ULK4: variants seen among roughly 807,000 people sequenced by gnomAD.
ULK4 encodes inactive serine/threonine-protein kinase ULK4.
In ULK4, 133 loss-of-function variants were observed where a neutral mutation model predicts 160.6. The observed-to-expected ratio is 0.83, with a 90% confidence interval of 0.72 to 0.96. The LOEUF is 0.96. Among genes scored for constraint, ULK4 ranks in the 40% least tolerant of loss-of-function variants. The probability of loss-of-function intolerance (pLI) is 0.00; values close to 1 mark genes in which losing one functional copy is unlikely to be tolerated. For synonymous variants in ULK4, 534 were observed against 539.8 expected (o/e 0.99, Z 0.15); for missense variants, 1,580 against 1,499.5 (o/e 1.05, Z -0.89).
intron 22 of ULK4, among the ~76,000 whole-genome samples, chr3:41,746,298 C>CAAAAAAAG (rs2038421232): frequency 1.0e-5 from 1 of 95,310 alleles, no homozygotes; most frequent in African/African-American, 7.6e-5. Flanking sequence ...AAAAAAAAAC[C>CAAAAAAAG]ACCTACAACT....
intron 17 of ULK4, among the ~76,000 whole-genome samples, chr3:41,853,583 C>G (rs13433805): frequency 0.018 from 2,786 of 152,180 alleles, 97 homozygotes; most frequent in African/African-American, 0.063. Context: ...TTGTTTTTCT[C>G]GAGCAGCTAA....
At chr3:41,733,812 G>A (rs1232117718) in intron 22 of ULK4, among the ~76,000 whole-genome samples, 2 of 133,932 alleles carry the variant, frequency 1.5e-5, no homozygotes, top group African/African-American at 3.0e-5. Context: ...TCACCTCACT[G>A]TAACCTCCAC....
In ULK4 at chr3:41,662,826, A is replaced by C. The variant is rs746696231; in HGVS notation, c.3071+781T>G. Among the ~76,000 whole-genome samples, 189 of 152,298 alleles carry C rather than the reference A, an allele frequency of 1.2e-3. 1 individual carries two copies. Among genetic ancestry groups the C allele is most frequent in the Non-Finnish European group, 2.4e-4 (16 of 68,028 alleles). On this transcript the variant is annotated intron_variant, in intron 30 of 36. Transcript: ENST00000301831. ...ACAAACTAATCTTTACAAAACTAAA[A>C]ACATCCCAGCAACTAGTTCTAAAGA...
At chr3:41,819,625 A>T (rs1575763540) in intron 18 of ULK4, 119 bp from the exon 19 acceptor site, 1 of 766,624 alleles carries the variant, frequency 1.3e-6, no homozygotes. Context: ...TAGTCTATTT[A>T]AAGTATTACT....
At chr3:41,768,401 A>G (rs879605432) in intron 21 of ULK4, among the ~76,000 whole-genome samples, 1 of 152,224 alleles carries the variant, frequency 6.6e-6, no homozygotes, top group Non-Finnish European at 1.5e-5. Context: ...GGGGAAAAGA[A>G]AAGTGGTAGA....
At chr3:41,873,872 GT>G (rs56104260) in intron 17 of ULK4, among the ~76,000 whole-genome samples, 1 of 148,406 alleles carries the variant, frequency 6.7e-6, no homozygotes, top group Non-Finnish European at 1.5e-5. Flanking sequence ...TGTTTTTGTG[GT>G]TTTTTTTGTT....
intron 19 of ULK4, among the ~76,000 whole-genome samples, chr3:41,817,983 C>CCAATTAAAATGG (rs2041024450): frequency 6.6e-6 from 1 of 151,884 alleles, no homozygotes; most frequent in African/African-American, 2.4e-5. Flanking sequence ...CCATCTCACC[C>CCAATTAAAATGG]CAATTAAAAT....
rs1432959738 is a variant in ULK4, at chr3:41,663,759, T to C, written c.2979-60A>G. ...AGGAAAAATTATGTCCAACCTTGAA[T>C]TCTATATCCAGCCAAACTATCAATT... On this transcript the variant is annotated intron_variant, in intron 29 of 36. Transcript: ENST00000301831. The C allele has an allele frequency of 2.2e-6, 3 of 1,358,386 alleles. No individual in the cohort carries two copies. In the East Asian group the frequency reaches 6.9e-5, roughly 31 times the overall value. The allele number at this position is 1,358,386 out of a possible 1,614,324, so 84.1% of individuals were successfully genotyped here.
chr3:41,816,710 G>A (rs2040975058), intron 19 of ULK4, among the ~76,000 whole-genome samples: 1 of 152,162 alleles, frequency 6.6e-6, no homozygotes, highest in Non-Finnish European at 1.5e-5. Flanking sequence ...TACTTGGGAG[G>A]CTGAGGCAGG....
chr3:41,901,478 C>CTTTTTTTTTTTTTTTTTTTTT (rs1305478036), intron 12 of ULK4, among the ~76,000 whole-genome samples: 4 of 22,988 alleles, frequency 1.7e-4, no homozygotes, highest in Non-Finnish European at 9.3e-4. Flanking sequence ...CCACGCCCAG[C>CTTTTTTTTTTTTTTTTTTTTT]CTTTTTTTTT....
chr3:41,248,852 G>A (rs2078692283), intron 36 of ULK4, among the ~76,000 whole-genome samples: 2 of 152,216 alleles, frequency 1.3e-5, no homozygotes, highest in African/African-American at 2.4e-5. Flanking sequence ...GCTCCTGGGT[G>A]ATAGGCCTAT....
intron 32 of ULK4, among the ~76,000 whole-genome samples, chr3:41,510,958 C>G (rs1203906277): frequency 6.6e-6 from 1 of 151,910 alleles, no homozygotes; most frequent in Non-Finnish European, 1.5e-5. Flanking sequence ...GTCAGGAGAT[C>G]GAGACCATCC....
In ULK4 at chr3:41,460,930, T is replaced by C. The variant is rs58141306; in HGVS notation, c.3393+2157A>G. 5.9e-3 allele frequency among the ~76,000 whole-genome samples: 897 copies of C among 152,190 alleles called. 7 individuals carry two copies. The highest frequency in any genetic ancestry group is 0.021 in the African/African-American group (860 of 41,516). On this transcript the variant is annotated intron_variant, in intron 33 of 36. Transcript: ENST00000301831. ...CCGAGGTTACAGAGGTGGGGAGTGG[T>C]ATACTGGTGTGTCTGGGATTTGAAT...
intron 21 of ULK4, among the ~76,000 whole-genome samples, chr3:41,757,242 C>T (rs909180652): frequency 2.0e-5 from 3 of 152,102 alleles, no homozygotes; most frequent in African/African-American, 4.8e-5. Flanking sequence ...TCAAAAAATA[C>T]AGAAGATAGG....
intron 31 of ULK4, among the ~76,000 whole-genome samples, chr3:41,613,219 T>C (rs879786898): frequency 2.6e-5 from 4 of 152,096 alleles, no homozygotes; most frequent in Admixed American, 2.6e-4. Flanking sequence ...CTGAAATCTA[T>C]CAGCTCTAAG....
chr3:41,286,826 G>A (rs915895147), intron 35 of ULK4, among the ~76,000 whole-genome samples: 1 of 152,152 alleles, frequency 6.6e-6, no homozygotes, highest in African/African-American at 2.4e-5. Context: ...TGTCAAAGTC[G>A]CTCTGTAAAA....
chr3:41,684,109 ATGACTTTCTCT>A (rs1412520687), intron 27 of ULK4, among the ~76,000 whole-genome samples: 1 of 152,254 alleles, frequency 6.6e-6, no homozygotes, highest in African/African-American at 2.4e-5. Context: ...TGGAAAAAAG[ATGACTTTCTCT>A]TGTAATGCAG....
At chr3:41,715,144 AT>A in intron 25 of ULK4, 92 bp downstream of exon 25, 1 of 1,280,902 alleles carries the variant, frequency 7.8e-7, no homozygotes, top group Non-Finnish European at 1.1e-6. Flanking sequence ...TACCAACAGG[AT>A]TTTTAAATTA....
At position 41,794,686 on chromosome 3, in the gene ULK4, A is replaced by AAAAAAAAAAAAAAC. The variant is rs1553654814; in HGVS notation, c.2011-4844_2011-4843insGTTTTTTTTTTTTT. Among the ~76,000 whole-genome samples the AAAAAAAAAAAAAAC allele has an allele frequency of 1.0e-3, 117 of 112,418 alleles. 4 individuals are homozygous for AAAAAAAAAAAAAAC. The highest frequency in any genetic ancestry group is 4.4e-3 in the African/African-American group (106 of 24,158). 73.8% of individuals were successfully genotyped at this position (112,418 alleles called of 152,430 possible). On this transcript the variant is annotated intron_variant, in intron 20 of 36. Transcript: ENST00000301831. ...AAAAAAAAAAAAAAAAAAAAAAAAAACACAGAAAAAAAAACCACAAACCTG... is the reference window on the plus strand; with the variant it reads ...AAAAAAAAAAAAAAAAAAAAAAAAAAAAAAAAAAAAAAACCACAGAAAAAAAAACCACAAACCTG...
Sources: allele counts gnomAD v4.1 joint callset (sites outside exome capture counted in the v4.1 genomes callset), GRCh38; gene constraint gnomAD v4.1.1; transcripts MANE v1.5; gene names NCBI Gene and HGNC (gene_info 2026-07-23, HGNC 2026-07-21).